The following ARHGAP26 variants were observed in gnomAD, a reference collection of about 807,000 sequenced individuals.
ARHGAP26 encodes the protein rho GTPase-activating protein 26.
A neutral mutation model predicts 104.8 loss-of-function variants in ARHGAP26; 38 were observed. The ratio of observed to expected loss-of-function variants is 0.36; its 90% confidence interval spans 0.28 to 0.48. The LOEUF is 0.48. Ranked by LOEUF, ARHGAP26 falls within the 20% of genes least tolerant of loss-of-function variation. The pLI, the probability that ARHGAP26 is intolerant of heterozygous loss-of-function variation, is 0.99. For synonymous variants in ARHGAP26, 341 were observed against 340.0 expected (o/e 1.00, Z -0.03); for missense variants, 704 against 947.9 (o/e 0.74, Z 3.38).
chr5:142,931,234 C>G (rs1490314112), intron 10 of ARHGAP26, among the ~76,000 whole-genome samples: 11 of 152,220 alleles, frequency 7.2e-5, no homozygotes, highest in African/African-American at 2.4e-4. Context: ...ACTCTGGGAT[C>G]TATTTTCACC....
intron 20 of ARHGAP26, among the ~76,000 whole-genome samples, chr5:143,183,598 C>T (rs1225649874): frequency 6.6e-6 from 1 of 152,196 alleles, no homozygotes; most frequent in Non-Finnish European, 1.5e-5. Flanking sequence ...TTCTTGAGCT[C>T]TTCCCTGCCC....
chr5:142,916,118 A>G (rs1361631631), intron 10 of ARHGAP26, among the ~76,000 whole-genome samples: 1 of 152,094 alleles, frequency 6.6e-6, no homozygotes, highest in Non-Finnish European at 1.5e-5. Flanking sequence ...GGTTTAAGGT[A>G]CTCCTGGAGT....
At chr5:142,999,676 A>G (rs991100396) in intron 11 of ARHGAP26, among the ~76,000 whole-genome samples, 1 of 152,220 alleles carries the variant, frequency 6.6e-6, no homozygotes, top group South Asian at 2.1e-4. Flanking sequence ...TAAAGCCTTC[A>G]GAAGAAAACA....
At chr5:142,933,580 C>T (rs1160251530) in intron 11 of ARHGAP26, among the ~76,000 whole-genome samples, 1 of 152,144 alleles carries the variant, frequency 6.6e-6, no homozygotes, top group African/African-American at 2.4e-5. Flanking sequence ...TATCCTCAGC[C>T]CATGGCTTCC....
chr5:142,958,039 T>A (rs1329401859), intron 11 of ARHGAP26, among the ~76,000 whole-genome samples: 1 of 152,168 alleles, frequency 6.6e-6, no homozygotes, highest in Non-Finnish European at 1.5e-5. Flanking sequence ...GAAATAACAT[T>A]TGAAAAAACT....
At chr5:142,923,638 A>C (rs1022900539) in intron 10 of ARHGAP26, among the ~76,000 whole-genome samples, 1 of 152,200 alleles carries the variant, frequency 6.6e-6, no homozygotes, top group Non-Finnish European at 1.5e-5. Flanking sequence ...TTTAAGAGCC[A>C]TGCAATTTAA....
At chr5:142,848,878 C>T (rs538219801) in intron 1 of ARHGAP26, among the ~76,000 whole-genome samples, 19 of 152,262 alleles carry the variant, frequency 1.2e-4, no homozygotes, top group African/African-American at 3.4e-4. Context: ...CTTTCTTTCC[C>T]GCCTACTTGG....
At chr5:142,917,063 G>A (rs1762576321) in intron 10 of ARHGAP26, among the ~76,000 whole-genome samples, 1 of 147,364 alleles carries the variant, frequency 6.8e-6, no homozygotes, top group Non-Finnish European at 1.5e-5. Context: ...TTTTTTAGAT[G>A]GAGTCTTGCT....
chr5:143,192,201 A>G (rs1806038826), intron 20 of ARHGAP26, among the ~76,000 whole-genome samples: 1 of 152,238 alleles, frequency 6.6e-6, no homozygotes, highest in African/African-American at 2.4e-5. Context: ...AGAAAGATCT[A>G]ACTCACTGGA....
chr5:142,852,557 T>C (rs1751698662), intron 1 of ARHGAP26, among the ~76,000 whole-genome samples: 1 of 152,260 alleles, frequency 6.6e-6, no homozygotes, highest in Admixed American at 6.5e-5. Context: ...TATGGATGCC[T>C]ATGGCTTGTA....
At chr5:143,166,925 T>C (rs1452524771) in intron 20 of ARHGAP26, among the ~76,000 whole-genome samples, 2 of 152,188 alleles carry the variant, frequency 1.3e-5, no homozygotes, top group East Asian at 1.9e-4. Context: ...ATTCACAGAA[T>C]AGAAAGTTAA....
chr5:142,836,732 A>G (rs1353160847), intron 1 of ARHGAP26, among the ~76,000 whole-genome samples: 1 of 152,238 alleles, frequency 6.6e-6, no homozygotes, highest in Non-Finnish European at 1.5e-5. Flanking sequence ...TTTATGGTTC[A>G]TGTTGTTATT....
chr5:142,879,323 A>C (rs1270290732), intron 3 of ARHGAP26, 51 bp from the exon 4 acceptor site: 1 of 1,548,946 alleles, frequency 6.5e-7, no homozygotes, highest in East Asian at 2.2e-5. Context: ...GTAATTCTTT[A>C]CTGATACTGC....
chr5:142,870,941 C>T (rs1755195900), intron 1 of ARHGAP26, among the ~76,000 whole-genome samples: 1 of 152,250 alleles, frequency 6.6e-6, no homozygotes, highest in South Asian at 2.1e-4. Context: ...GAATGGATTC[C>T]AAACAAGTAA....
intron 11 of ARHGAP26, among the ~76,000 whole-genome samples, chr5:142,993,352 G>C (rs1480371648): frequency 6.6e-6 from 1 of 151,854 alleles, no homozygotes; most frequent in Non-Finnish European, 1.5e-5. Context: ...TGTATTTTTA[G>C]TAGAGATGGG....
intron 1 of ARHGAP26, among the ~76,000 whole-genome samples, chr5:142,864,136 C>T (rs376773182): frequency 3.9e-5 from 6 of 152,070 alleles, no homozygotes; most frequent in African/African-American, 1.4e-4. Context: ...TTTCTAGAAA[C>T]GTGTCTACCT....
At chr5:142,995,256 A>G (rs1776214511) in intron 11 of ARHGAP26, among the ~76,000 whole-genome samples, 1 of 152,376 alleles carries the variant, frequency 6.6e-6, no homozygotes, top group Non-Finnish European at 1.5e-5. Context: ...AAATGTTTGC[A>G]ATCTATCCAT....
intron 8 of ARHGAP26, 79 bp downstream of exon 8, chr5:142,903,748 C>A: frequency 6.9e-7 from 1 of 1,458,076 alleles, no homozygotes; most frequent in Non-Finnish European, 9.3e-7. Context: ...TCAGCAGTGC[C>A]TACCTTACTG....
chr5:142,993,310 C>T (rs1775918564), intron 11 of ARHGAP26, among the ~76,000 whole-genome samples: 1 of 151,964 alleles, frequency 6.6e-6, no homozygotes, highest in Admixed American at 6.5e-5. Flanking sequence ...GCTGGGACTA[C>T]AGGCGCCCGC....
Sources: allele counts gnomAD v4.1 joint callset (sites outside exome capture counted in the v4.1 genomes callset), GRCh38; gene constraint gnomAD v4.1.1; transcripts MANE v1.5; gene names NCBI Gene and HGNC (gene_info 2026-07-23, HGNC 2026-07-21).